The following PLB1 variants were observed in gnomAD, a reference collection of about 807,000 sequenced individuals.
The protein encoded by PLB1 is phospholipase B1, also known as phospholipase B1, membrane-associated.
In PLB1, 242 loss-of-function variants were observed where a neutral mutation model predicts 227.4. The ratio of observed to expected loss-of-function variants is 1.06; its 90% CI spans 0.96 to 1.18. The LOEUF (loss-of-function observed/expected upper bound fraction) is 1.18. PLB1 is among the 50% of genes most tolerant of loss of function. The pLI, the probability that PLB1 is intolerant of heterozygous loss-of-function variation, is 0.00. For synonymous variants in PLB1, 757 were observed against 682.2 expected (o/e 1.11, Z -1.71); for missense variants, 1,858 against 1,816.3 (o/e 1.02, Z -0.42).
At position 28,593,958 on chromosome 2, in the gene PLB1, T is replaced by TTTA. The variant is rs112658620; in HGVS notation, c.2321+206_2321+207insATT. 1.7e-3 allele frequency: 1,282 copies of TTTA among 740,762 alleles called. 17 individuals are homozygous for TTTA. The African/African-American group carries it at 0.019, about 11-fold the overall frequency. 45.9% of individuals were successfully genotyped at this position (740,762 alleles called of 1,614,324 possible). ...TTACTGTTGATAATCTTTTTTTTTT[T>TTTA]TTTGATTGTGCAGAGAAAGTAAACC... On this transcript the variant is annotated intron_variant, in intron 33 of 57. Transcript: ENST00000327757.
chr2:28,636,003 GTGTATGTA>G (rs1553467660), intron 56 of PLB1, among the ~76,000 whole-genome samples: 1 of 151,506 alleles, frequency 6.6e-6, no homozygotes, highest in Non-Finnish European at 1.5e-5. Flanking sequence ...GTGTATGTAT[GTGTATGTA>G]TGTATGAATG....
intron 26 of PLB1, among the ~76,000 whole-genome samples, chr2:28,587,041 G>A (rs537700839): frequency 1.3e-5 from 2 of 152,250 alleles, no homozygotes; most frequent in African/African-American, 2.4e-5. Context: ...GAGCCACCGC[G>A]CCAAGCCACA....
chr2:28,548,761 T>A (rs1043805099), intron 14 of PLB1, 99 bp from the exon 15 acceptor site: 23 of 1,156,088 alleles, frequency 2.0e-5, no homozygotes, highest in Non-Finnish European at 2.7e-5. Flanking sequence ...ATGCGTTCCC[T>A]GGTACTGCTG....
intron 14 of PLB1, among the ~76,000 whole-genome samples, chr2:28,545,172 T>C (rs2148214042): frequency 6.6e-6 from 1 of 152,184 alleles, no homozygotes; most frequent in South Asian, 2.1e-4. Flanking sequence ...CACAAGGGCT[T>C]AGAAGAGGAG....
At chr2:28,565,156 C>A in intron 18 of PLB1, 124 bp from the exon 19 acceptor site, 1 of 751,230 alleles carries the variant, frequency 1.3e-6, no homozygotes, top group Non-Finnish European at 2.3e-6. Context: ...CCATCTAGAC[C>A]CTAGATCCCA....
chr2:28,612,202 A>G (rs962091377), intron 43 of PLB1, among the ~76,000 whole-genome samples: 6 of 152,204 alleles, frequency 3.9e-5, no homozygotes, highest in African/African-American at 1.4e-4. Context: ...AGGAATGCTG[A>G]GACCAGGGAA....
chr2:28,564,898 A>T (rs969092826), intron 18 of PLB1, among the ~76,000 whole-genome samples: 1 of 152,238 alleles, frequency 6.6e-6, no homozygotes, highest in Non-Finnish European at 1.5e-5. Flanking sequence ...GTATAAAAGG[A>T]TAATGATGTA....
rs2148356833 is a variant in PLB1 at position 28,642,968 on chromosome 2, TGTG to T, written c.4289_4291del (p.Val1430del). On this transcript the variant is annotated inframe_deletion, in exon 58 of 58. Transcript: ENST00000327757. ...TCCCAGTGGCAGCGGGAGTCGGCCT[TGTG>T]GTGGGCATCATCGGGACAGTGGTCT... The T allele has an allele frequency of 6.2e-7, 1 of 1,610,306 alleles. No individual in the cohort carries two copies. Among genetic ancestry groups the T allele is most frequent in the Non-Finnish European group, 8.5e-7 (1 of 1,178,602 alleles).
chr2:28,536,726 G>C (rs545076820), intron 9 of PLB1, among the ~76,000 whole-genome samples: 1 of 152,298 alleles, frequency 6.6e-6, no homozygotes, highest in South Asian at 2.1e-4. Flanking sequence ...CTGACTTTGG[G>C]TTCTAGGAGT....
At position 28,496,176 on chromosome 2, in the gene PLB1, G is replaced by A. The variant is rs557789054; in HGVS notation, c.55+7G>A. On this transcript the variant is annotated splice_region_variant and intron_variant, in intron 1 of 57. Coordinates refer to ENST00000327757, the MANE Select transcript of PLB1 (RefSeq NM_153021.5). ...CTGCTGCTTCTGGGGCAAGGTAAGC[G>A]TGCCTTTTGCTCAGAGGACAACCAG... The A allele has an allele frequency of 4.1e-5, 66 of 1,613,690 alleles. No homozygotes were observed. In the Admixed American group the frequency reaches 7.0e-4, roughly 17 times the overall value.
At chr2:28,527,942 T>G (rs1346135365) in intron 6 of PLB1, among the ~76,000 whole-genome samples, 1 of 152,200 alleles carries the variant, frequency 6.6e-6, no homozygotes, top group Non-Finnish European at 1.5e-5. Context: ...CCCTCACCCA[T>G]GCACACATTC....
At chr2:28,501,796 T>G (rs1667133274) in intron 1 of PLB1, among the ~76,000 whole-genome samples, 1 of 152,192 alleles carries the variant, frequency 6.6e-6, no homozygotes, top group Admixed American at 6.5e-5. Flanking sequence ...CTACATCAGT[T>G]CAGAGATCTT....
chr2:28,632,771 A>G (rs1315363522), intron 55 of PLB1, among the ~76,000 whole-genome samples, 173 bp from the exon 56 acceptor site: 48 of 149,488 alleles, frequency 3.2e-4, no homozygotes, highest in Admixed American at 3.2e-3. Context: ...AAAAGAAAAA[A>G]GAAAAAAAGA....
intron 17 of PLB1, among the ~76,000 whole-genome samples, chr2:28,559,107 C>T (rs1398092754): frequency 1.3e-5 from 2 of 152,224 alleles, no homozygotes; most frequent in African/African-American, 4.8e-5. Context: ...CTCACTGCAG[C>T]CTCTGCCTCC....
intron 8 of PLB1, among the ~76,000 whole-genome samples, chr2:28,531,363 G>A (rs938311272): frequency 6.6e-6 from 1 of 152,186 alleles, no homozygotes; most frequent in Non-Finnish European, 1.5e-5. Flanking sequence ...CCAGGCTGGA[G>A]TGCAATGGTG....
At chr2:28,584,337 G>A (rs962878310) in intron 25 of PLB1, among the ~76,000 whole-genome samples, 3 of 152,332 alleles carry the variant, frequency 2.0e-5, no homozygotes, top group Non-Finnish European at 4.4e-5. Flanking sequence ...AAGGCCTCAC[G>A]GTGCTGTGAG....
chr2:28,606,185 A>C lies in PLB1; in HGVS notation c.3057+237A>C, dbSNP rs552773865. On this transcript the variant is annotated intron_variant, in intron 42 of 57. Coordinates refer to ENST00000327757, the MANE Select transcript of PLB1 (RefSeq NM_153021.5). ...GACCTCTCTACAGAAATGCAAGCCC[A>C]AAACCCCATATTCATTCCACTTTCC... is the stretch of plus-strand genomic sequence containing the variant. Among the ~76,000 whole-genome samples the C allele has an allele frequency of 7.0e-4, 106 of 152,358 alleles. No individual in the cohort carries two copies. In the South Asian group the frequency reaches 0.021, roughly 31 times the overall value.
chr2:28,640,313 C>T (rs1324006751), intron 56 of PLB1, among the ~76,000 whole-genome samples: 1 of 152,168 alleles, frequency 6.6e-6, no homozygotes, highest in Non-Finnish European at 1.5e-5. Context: ...GCTCCCAGCT[C>T]ATCCTCAGAG....
chr2:28,508,799 G>T (rs542590583), intron 1 of PLB1, among the ~76,000 whole-genome samples: 1 of 152,134 alleles, frequency 6.6e-6, no homozygotes, highest in African/African-American at 2.4e-5. Context: ...TGCCAAAAGG[G>T]TCATAAACCC....
Sources: allele counts gnomAD v4.1 joint callset (sites outside exome capture counted in the v4.1 genomes callset), GRCh38; gene constraint gnomAD v4.1.1; transcripts MANE v1.5; gene names NCBI Gene and HGNC (gene_info 2026-07-23, HGNC 2026-07-21).